Variants in RAB25 observed in about 807,000 individuals in gnomAD.
RAB25 encodes ras-related protein Rab-25.
A neutral mutation model predicts 25.2 loss-of-function variants in RAB25; 23 were observed. The observed-to-expected ratio is 0.91, with a 90% CI of 0.66 to 1.29. The LOEUF is 1.29. RAB25 is among the 50% of genes most tolerant of loss of function. RAB25 has a pLI of 0.00. For synonymous variants in RAB25, 102 were observed against 111.5 expected (o/e 0.91, Z 0.54); for missense variants, 244 against 277.3 (o/e 0.88, Z 0.85).
rs776129273 is a variant in RAB25, at chr1:156,069,778, C to T, written c.514+27C>T. On this transcript the variant is annotated intron_variant, in intron 4 of 4. Transcript: ENST00000361084. ...TTAGAGCCTACCTTTATTCTGCACC[C>T]CTATTCCATCCCCGTGGCTTCTACA... 1.9e-6 allele frequency: 3 copies of T among 1,561,654 alleles called. No homozygotes were observed. The East Asian group carries it at 6.7e-5, about 35-fold the overall frequency.
chr1:156,067,001 C>T (rs951677445), intron 2 of RAB25, among the ~76,000 whole-genome samples: 2 of 151,244 alleles, frequency 1.3e-5, no homozygotes, highest in African/African-American at 2.4e-5. Flanking sequence ...TTTGGGAGGC[C>T]GAGGCGGGCA....
At chr1:156,067,746 CTTTA>C (rs1255503250) in intron 2 of RAB25, among the ~76,000 whole-genome samples, 7 of 152,100 alleles carry the variant, frequency 4.6e-5, no homozygotes, top group African/African-American at 1.4e-4. Context: ...GGAGGTGAAA[CTTTA>C]TTTATTTAGT....
intron 3 of RAB25, 60 bp from the exon 4 acceptor site, chr1:156,069,611 T>C: frequency 8.4e-7 from 1 of 1,193,790 alleles, no homozygotes; most frequent in Non-Finnish European, 1.2e-6. Context: ...CAAACATTAA[T>C]ATTATTATTA....
rs998176774 is a variant in RAB25, at chr1:156,070,228, G to A, written c.583G>A (p.Ala195Thr). The A allele has an allele frequency of 6.2e-7, 1 of 1,613,952 alleles. No homozygotes were observed. The highest frequency in any genetic ancestry group is 8.5e-7 in the Non-Finnish European group (1 of 1,180,012). Reference protein sequence around the residue: ...IRTNAITLGSAQAGQEPGPGE... With the variant: ...IRTNAITLGSTQAGQEPGPGE... ...GACCAATGCCATCACTCTGGGCAGT[G>A]CCCAGGCTGGACAGGAGCCTGGCCC... The change falls in exon 5 of 5, where the codon GCC becomes ACC. Residue 195 changes from alanine (A) to threonine (T), a missense_variant. Ala to Thr is a moderately conservative substitution (Grantham distance 58, BLOSUM62 0). Transcript: ENST00000361084.
intron 3 of RAB25, 68 bp downstream of exon 3, chr1:156,068,531 G>A: frequency 6.7e-6 from 10 of 1,501,790 alleles, no homozygotes; most frequent in Non-Finnish European, 9.1e-6. Flanking sequence ...CAGTCTCCCA[G>A]CCCCTGCCCC....
chr1:156,070,053 C>G, intron 4 of RAB25, 107 bp from the exon 5 acceptor site: 4 of 1,555,430 alleles, frequency 2.6e-6, no homozygotes, highest in Non-Finnish European at 3.5e-6. Context: ...GCAAGTGTGG[C>G]CACCCCCCAT....
chr1:156,068,236 C>A lies in RAB25; in HGVS notation c.240-34C>A, dbSNP rs1204079889. 7 of 1,557,218 alleles carry A rather than the reference C, an allele frequency of 4.5e-6. No individual in the cohort carries two copies. In the South Asian group the frequency reaches 7.8e-5, roughly 17 times the overall value. ...TGATGCTGGGTCCAATGCCTCTGAT[C>A]GTATCTCTGTCCATCCTTCTCATTC... On this transcript the variant is annotated intron_variant, in intron 2 of 4. Transcript: ENST00000361084.
At chr1:156,069,037 T>G (rs1300423555) in intron 3 of RAB25, among the ~76,000 whole-genome samples, 1 of 151,930 alleles carries the variant, frequency 6.6e-6, no homozygotes, top group Non-Finnish European at 1.5e-5. Context: ...AAAGATCCTA[T>G]GGAGAGGATA....
In RAB25 at chr1:156,065,951, A is replaced by T. The variant is rs780487580; in HGVS notation, c.84A>T (p.Leu28=). Residue 28 remains leucine, a synonymous_variant, in exon 2 of 5, where the codon CTA becomes CTT. Coordinates refer to ENST00000361084, the MANE Select transcript of RAB25 (RefSeq NM_020387.4). Reference sequence around the variant, plus strand: ...AATCAGGTGTGGGGAAGACCAATCTACTCTCCCGATTCACGCGCAATGAGT... The same window carrying T: ...AATCAGGTGTGGGGAAGACCAATCTTCTCTCCCGATTCACGCGCAATGAGT... ...IGESGVGKTN[L]LSRFTRNEFS... 159 of 1,611,270 alleles carry T rather than the reference A, an allele frequency of 9.9e-5. No homozygotes were observed. In the South Asian group the frequency reaches 1.7e-3, roughly 17 times the overall value.
chr1:156,068,912 C>T (rs1023134376), intron 3 of RAB25, among the ~76,000 whole-genome samples: 4 of 151,602 alleles, frequency 2.6e-5, no homozygotes, highest in Admixed American at 1.3e-4. Flanking sequence ...TGGTCTCGAA[C>T]CCCTGACCTC....
intron 1 of RAB25, among the ~76,000 whole-genome samples, chr1:156,062,925 G>A (rs1370061447): frequency 4.0e-5 from 6 of 151,856 alleles, no homozygotes; most frequent in Admixed American, 2.6e-4. Context: ...GTGGTGGCAC[G>A]TGCCTGTAAT....
intron 3 of RAB25, 79 bp downstream of exon 3, chr1:156,068,542 C>G (rs932821111): frequency 2.0e-5 from 28 of 1,428,998 alleles, no homozygotes; most frequent in Admixed American, 1.8e-5. Context: ...CCCCTGCCCC[C>G]ACCCATAGAG....
intron 1 of RAB25, 62 bp from the exon 2 acceptor site, chr1:156,065,849 A>G (rs890973875): frequency 6.0e-6 from 8 of 1,325,456 alleles, no homozygotes; most frequent in Non-Finnish European, 8.1e-6. Context: ...AGACCCTCCA[A>G]GCTCAGGTGG....
At chr1:156,064,738 G>A (rs1647692343) in intron 1 of RAB25, among the ~76,000 whole-genome samples, 1 of 152,172 alleles carries the variant, frequency 6.6e-6, no homozygotes, top group Non-Finnish European at 1.5e-5. Context: ...AGTTGGAGGA[G>A]GCCTTTATAA....
chr1:156,069,469 G>A (rs1010931732), intron 3 of RAB25, among the ~76,000 whole-genome samples: 16 of 152,192 alleles, frequency 1.1e-4, no homozygotes, highest in Middle Eastern at 3.4e-3. Context: ...GTGAGCCACC[G>A]CACCCAGCCC....
chr1:156,067,846 G>A (rs1201820150), intron 2 of RAB25, among the ~76,000 whole-genome samples: 1 of 152,176 alleles, frequency 6.6e-6, no homozygotes, highest in Non-Finnish European at 1.5e-5. Context: ...TCCGCTTCCC[G>A]AGTTCAAGCA....
At chr1:156,069,846 ATT>A in intron 4 of RAB25, 95 bp downstream of exon 4, 1 of 1,148,970 alleles carries the variant, frequency 8.7e-7, no homozygotes. Context: ...ACCCCAGCTA[ATT>A]TCTCAGCTCC....
chr1:156,069,981 C>A, intron 4 of RAB25, 179 bp from the exon 5 acceptor site: 1 of 1,018,466 alleles, frequency 9.8e-7, no homozygotes, highest in Admixed American at 2.1e-5. Flanking sequence ...GTTCCTTCTC[C>A]ACCCAAGTAA....
At chr1:156,065,875 A>G (rs747433464) in intron 1 of RAB25, 36 bp from the exon 2 acceptor site, 1 of 1,529,094 alleles carries the variant, frequency 6.5e-7, no homozygotes, top group East Asian at 2.3e-5. Flanking sequence ...GAGCTGCTCT[A>G]CCCCATGCTC....
Sources: gnomAD v4.1 joint callset for allele counts (sites outside exome capture counted in the v4.1 genomes callset) on GRCh38, gnomAD v4.1.1 for gene constraint, MANE v1.5 for transcripts, NCBI Gene and HGNC (gene_info 2026-07-23, HGNC 2026-07-21) for gene names.